The following LDB2 variants were observed in gnomAD, a reference collection of about 807,000 sequenced individuals.
LDB2 encodes LIM domain-binding protein 2.
Under a neutral mutation model 44.3 loss-of-function variants are expected in LDB2, and 12 were observed. The observed-to-expected ratio is 0.27, with a 90% CI of 0.17 to 0.44. The LOEUF (loss-of-function observed/expected upper bound fraction) is 0.44. LDB2 is among the 20% of genes least tolerant of loss of function. The pLI is 1.00. For synonymous variants in LDB2, 164 were observed against 174.8 expected, an observed-to-expected ratio of 0.94 and a Z score of 0.49; for missense variants, 344 against 473.5, an observed-to-expected ratio of 0.73 and a Z score of 2.54.
chr4:16,752,584 C>A, intron 2 of LDB2: 1 of 319,158 alleles, frequency 3.1e-6, no homozygotes. Flanking sequence ...AGGTTTAACT[C>A]ACTCACTTAT....
intron 1 of LDB2, among the ~76,000 whole-genome samples, chr4:16,897,853 T>C (rs1725494539): frequency 1.4e-5 from 2 of 146,408 alleles, no homozygotes; most frequent in Admixed American, 1.4e-4. Flanking sequence ...GAAAAGTAAA[T>C]ACAGGTCAAA....
At chr4:16,539,691 C>A (rs1733087818) in intron 5 of LDB2, among the ~76,000 whole-genome samples, 1 of 152,048 alleles carries the variant, frequency 6.6e-6, no homozygotes, top group South Asian at 2.1e-4. Flanking sequence ...AAACAATGGT[C>A]TTTTCATCTA....
chr4:16,711,842 G>A (rs751191268), intron 2 of LDB2, among the ~76,000 whole-genome samples: 1 of 152,172 alleles, frequency 6.6e-6, no homozygotes, highest in Non-Finnish European at 1.5e-5. Flanking sequence ...AATAGGAAAA[G>A]AATAGTCTTT....
intron 3 of LDB2, 89 bp downstream of exon 3, chr4:16,595,614 C>T: frequency 8.2e-7 from 1 of 1,221,628 alleles, no homozygotes; most frequent in Non-Finnish European, 1.2e-6. Flanking sequence ...GAGCAATCGG[C>T]CCCAGGTTCC....
chr4:16,740,196 A>G (rs564327956), intron 2 of LDB2, among the ~76,000 whole-genome samples: 114 of 152,332 alleles, frequency 7.5e-4, no homozygotes, highest in African/African-American at 2.6e-3. Flanking sequence ...TTTTAGCACT[A>G]AACTGTGACA....
At chr4:16,843,599 A>G (rs1054116927) in intron 1 of LDB2, among the ~76,000 whole-genome samples, 1 of 152,150 alleles carries the variant, frequency 6.6e-6, no homozygotes, top group African/African-American at 2.4e-5. Context: ...AAAAAATGCT[A>G]TTTTATAAAT....
chr4:16,562,750 T>C (rs1380138592), intron 5 of LDB2, among the ~76,000 whole-genome samples: 3 of 152,310 alleles, frequency 2.0e-5, no homozygotes, highest in Admixed American at 6.5e-5. Flanking sequence ...CATACTGTTA[T>C]AAAGACACAT....
intron 2 of LDB2, among the ~76,000 whole-genome samples, chr4:16,622,764 T>C (rs888922683): frequency 6.6e-5 from 10 of 152,200 alleles, no homozygotes; most frequent in African/African-American, 2.4e-4. Flanking sequence ...TAGCGTAGAG[T>C]GAAAGCATTT....
chr4:16,683,461 C>T (rs930650280), intron 2 of LDB2, among the ~76,000 whole-genome samples: 1 of 152,170 alleles, frequency 6.6e-6, no homozygotes, highest in African/African-American at 2.4e-5. Flanking sequence ...CACTTGATAC[C>T]ATTTATAAAA....
chr4:16,673,943 A>C (rs1285400275), intron 2 of LDB2, among the ~76,000 whole-genome samples: 1 of 152,194 alleles, frequency 6.6e-6, no homozygotes, highest in African/African-American at 2.4e-5. Context: ...GACCCATTAA[A>C]TTCTGTGGGA....
chr4:16,895,446 T>G (rs1724693714), intron 1 of LDB2, among the ~76,000 whole-genome samples: 1 of 152,156 alleles, frequency 6.6e-6, no homozygotes, highest in Non-Finnish European at 1.5e-5. Context: ...TGATTACAAT[T>G]TCTTCATCAC....
intron 1 of LDB2, among the ~76,000 whole-genome samples, chr4:16,759,923 C>T (rs1456975728): frequency 6.6e-6 from 1 of 152,128 alleles, no homozygotes; most frequent in Non-Finnish European, 1.5e-5. Flanking sequence ...CATATGAATT[C>T]TGTTTGTTTG....
intron 2 of LDB2, among the ~76,000 whole-genome samples, chr4:16,623,640 C>A (rs1231453643): frequency 4.7e-5 from 6 of 127,004 alleles, no homozygotes; most frequent in African/African-American, 1.7e-4. Flanking sequence ...AAATGACTAT[C>A]AATGTGCTGT....
intron 7 of LDB2, among the ~76,000 whole-genome samples, chr4:16,504,924 C>T (rs181041136): frequency 2.0e-5 from 3 of 152,234 alleles, no homozygotes; most frequent in Middle Eastern, 3.4e-3. Flanking sequence ...ATGCGTAAGG[C>T]GTCACAGGGC....
Position 16,589,253 on chromosome 4 carries a change from T to C in LDB2, c.409-421A>G, listed in dbSNP as rs372336761. 9.2e-5 allele frequency among the ~76,000 whole-genome samples: 14 copies of C among 152,186 alleles called. 2 individuals carry two copies. In the East Asian group the frequency reaches 2.3e-3, roughly 25 times the overall value. ...TAGGACAAAGTACCCAATAAACTCA[T>C]TCATGGTTAAGTGTGAGTTACTACA... On this transcript the variant is annotated intron_variant, in intron 3 of 7. Transcript: ENST00000304523.
At chr4:16,654,374 A>G (rs189814780) in intron 2 of LDB2, among the ~76,000 whole-genome samples, 1 of 152,304 alleles carries the variant, frequency 6.6e-6, no homozygotes, top group Admixed American at 6.5e-5. Flanking sequence ...AGGCAGGGGA[A>G]AAATGATAAA....
intron 2 of LDB2, among the ~76,000 whole-genome samples, chr4:16,745,532 A>G (rs915734659): frequency 1.7e-4 from 26 of 152,232 alleles, no homozygotes; most frequent in Non-Finnish European, 2.2e-4. Flanking sequence ...GCAGTTTTGG[A>G]GGCTTGGAGA....
At chr4:16,556,654 G>A (rs906881102) in intron 5 of LDB2, among the ~76,000 whole-genome samples, 1 of 152,210 alleles carries the variant, frequency 6.6e-6, no homozygotes, top group Admixed American at 6.5e-5. Context: ...TTAAAGAGGG[G>A]TGAGAGACCT....
intron 2 of LDB2, among the ~76,000 whole-genome samples, chr4:16,729,398 A>G (rs1760245528): frequency 6.6e-6 from 1 of 152,194 alleles, no homozygotes; most frequent in Non-Finnish European, 1.5e-5. Context: ...CGTGAAATTC[A>G]GTCGGAAATT....
Sources: gnomAD v4.1 joint callset for allele counts (sites outside exome capture counted in the v4.1 genomes callset) on GRCh38, gnomAD v4.1.1 for gene constraint, MANE v1.5 for transcripts, NCBI Gene and HGNC (gene_info 2026-07-23, HGNC 2026-07-21) for gene names.